Variants in TAF3 observed in about 807,000 individuals in gnomAD.
The protein encoded by TAF3 is transcription initiation factor TFIID subunit 3.
A neutral mutation model predicts 80.6 loss-of-function variants in TAF3; 7 were observed. The observed-to-expected ratio is 0.09, with a 90% CI of 0.05 to 0.16. TAF3 has a LOEUF of 0.16. Among genes scored for constraint, TAF3 ranks in the 10% least tolerant of loss-of-function variants. The pLI is 1.00. For synonymous variants in TAF3, 444 were observed against 446.1 expected (o/e 1.00, Z 0.06); for missense variants, 921 against 1,140.2 (o/e 0.81, Z 2.77).
chr10:7,912,077 T>C (rs1388404655), intron 2 of TAF3, among the ~76,000 whole-genome samples: 1 of 152,206 alleles, frequency 6.6e-6, no homozygotes, highest in Middle Eastern at 3.2e-3. Flanking sequence ...TTGGGAGATA[T>C]TTTTTATGTA....
At chr10:7,926,993 A>T (rs920281239) in intron 2 of TAF3, among the ~76,000 whole-genome samples, 3 of 152,188 alleles carry the variant, frequency 2.0e-5, no homozygotes, top group Non-Finnish European at 4.4e-5. Flanking sequence ...GTGGCCTACC[A>T]TGGAAAATAC....
At chr10:7,957,483 G>T (rs1015308257) in intron 2 of TAF3, among the ~76,000 whole-genome samples, 1 of 152,084 alleles carries the variant, frequency 6.6e-6, no homozygotes, top group Admixed American at 6.6e-5. Context: ...TTATTATTTA[G>T]CAGTTTGAAT....
intron 4 of TAF3, among the ~76,000 whole-genome samples, chr10:7,981,911 T>A (rs1219505647): frequency 6.6e-6 from 1 of 152,340 alleles, no homozygotes; most frequent in South Asian, 2.1e-4. Context: ...AAAATCAATA[T>A]GTATAGACAC....
intron 2 of TAF3, among the ~76,000 whole-genome samples, chr10:7,925,893 G>T (rs1244603847): frequency 6.6e-6 from 1 of 151,512 alleles, no homozygotes; most frequent in Non-Finnish European, 1.5e-5. Context: ...TTTAATTGAA[G>T]AATATGCTGG....
chr10:7,890,674 T>C (rs1048679205), intron 2 of TAF3, among the ~76,000 whole-genome samples: 3 of 152,204 alleles, frequency 2.0e-5, no homozygotes, highest in African/African-American at 7.2e-5. Flanking sequence ...CCAGTTTCAG[T>C]TTCTTTTAAG....
At chr10:7,944,010 G>C (rs776488547) in intron 2 of TAF3, among the ~76,000 whole-genome samples, 2 of 151,828 alleles carry the variant, frequency 1.3e-5, no homozygotes, top group Non-Finnish European at 2.9e-5. Context: ...ATTGATATGC[G>C]TAAGAGGAAG....
At chr10:7,840,343 G>A (rs1236629697) in intron 2 of TAF3, among the ~76,000 whole-genome samples, 2 of 151,782 alleles carry the variant, frequency 1.3e-5, no homozygotes, top group Non-Finnish European at 2.9e-5. Context: ...TGGTAGAGAT[G>A]GGGTTTCACC....
intron 2 of TAF3, among the ~76,000 whole-genome samples, chr10:7,875,980 TATTTA>T (rs1837308816): frequency 6.6e-6 from 1 of 151,784 alleles, no homozygotes; most frequent in African/African-American, 2.4e-5. Context: ...ACTTTTATTT[TATTTA>T]TTTTTCTCTT....
chr10:7,920,506 A>G (rs1837753714), intron 2 of TAF3, among the ~76,000 whole-genome samples: 1 of 152,116 alleles, frequency 6.6e-6, no homozygotes, highest in South Asian at 2.1e-4. Flanking sequence ...TCTTATTCCA[A>G]ATAAAGTCAT....
intron 2 of TAF3, among the ~76,000 whole-genome samples, chr10:7,906,092 GTTTTC>G (rs1322574696): frequency 6.6e-6 from 1 of 152,122 alleles, no homozygotes; most frequent in Non-Finnish European, 1.5e-5. Context: ...TATGAAAGGA[GTTTTC>G]TTTTATTACT....
intron 2 of TAF3, among the ~76,000 whole-genome samples, chr10:7,836,427 A>G (rs1447402042): frequency 1.3e-5 from 2 of 151,928 alleles, no homozygotes; most frequent in Non-Finnish European, 2.9e-5. Context: ...GGCATGAGCT[A>G]CCAAGCCCAG....
intron 2 of TAF3, among the ~76,000 whole-genome samples, chr10:7,954,662 T>C (rs529819914): frequency 2.2e-4 from 30 of 135,280 alleles, no homozygotes; most frequent in African/African-American, 5.9e-4. Flanking sequence ...ACTCCATATG[T>C]GAATGAGTGG....
chr10:7,846,228 A>G (rs1836971314), intron 2 of TAF3, among the ~76,000 whole-genome samples: 1 of 152,218 alleles, frequency 6.6e-6, no homozygotes, highest in Non-Finnish European at 1.5e-5. Context: ...AAGTGCTGGC[A>G]TTACAGGCAT....
chr10:7,827,831 C>T (rs372368784), intron 2 of TAF3, among the ~76,000 whole-genome samples: 1 of 150,780 alleles, frequency 6.6e-6, no homozygotes, highest in Non-Finnish European at 1.5e-5. Flanking sequence ...TGGTGGTGCA[C>T]GCTTGTAGTC....
intron 2 of TAF3, among the ~76,000 whole-genome samples, chr10:7,838,023 C>G (rs956006588): frequency 6.6e-6 from 1 of 152,184 alleles, no homozygotes; most frequent in Non-Finnish European, 1.5e-5. Flanking sequence ...AACATTATCT[C>G]ATTTAATCTT....
intron 2 of TAF3, among the ~76,000 whole-genome samples, chr10:7,928,300 G>A (rs1837834904): frequency 6.6e-6 from 1 of 152,138 alleles, no homozygotes; most frequent in Non-Finnish European, 1.5e-5. Flanking sequence ...TGCCACATAG[G>A]AAGTACTTAA....
At chr10:7,951,672 T>C (rs568256872) in intron 2 of TAF3, among the ~76,000 whole-genome samples, 4 of 152,306 alleles carry the variant, frequency 2.6e-5, no homozygotes, top group South Asian at 2.1e-4. Flanking sequence ...GGGAAGAATG[T>C]CTGTTCATTT....
chr10:7,834,380 T>A (rs1002334858), intron 2 of TAF3, among the ~76,000 whole-genome samples: 1 of 152,168 alleles, frequency 6.6e-6, no homozygotes, highest in East Asian at 1.9e-4. Flanking sequence ...TTTTTCTAAG[T>A]GGTATGAGAT....
chr10:7,845,560 G>A (rs960471023), intron 2 of TAF3, among the ~76,000 whole-genome samples: 1 of 152,202 alleles, frequency 6.6e-6, no homozygotes, highest in Non-Finnish European at 1.5e-5. Flanking sequence ...GAGATAGGTG[G>A]TAATGTGAAA....
Sources: allele counts gnomAD v4.1 joint callset (sites outside exome capture counted in the v4.1 genomes callset), GRCh38; gene constraint gnomAD v4.1.1; transcripts MANE v1.5; gene names NCBI Gene and HGNC (gene_info 2026-07-23, HGNC 2026-07-21).